Variants in FHIT observed in about 807,000 individuals in gnomAD.
FHIT encodes bis(5'-adenosyl)-triphosphatase.
A neutral mutation model predicts 17.9 loss-of-function variants in FHIT; 19 were observed. The observed-to-expected ratio is 1.06, with a 90% confidence interval of 0.74 to 1.56. The LOEUF (loss-of-function observed/expected upper bound fraction) is 1.56, where lower values mean the gene tolerates loss of function less well. Among genes scored for constraint, FHIT ranks in the 40% most tolerant of loss-of-function variants. The pLI is 0.00. For missense variants in FHIT, 248 were observed against 189.2 expected (o/e 1.31, Z -1.82); for synonymous variants, 81 against 69.7 (o/e 1.16, Z -0.81).
intron 4 of FHIT, among the ~76,000 whole-genome samples, chr3:60,751,130 G>A (rs2042457530): frequency 6.6e-6 from 1 of 152,254 alleles, no homozygotes; most frequent in African/African-American, 2.4e-5. Flanking sequence ...TAAGTCGAGA[G>A]TGGTTAGAAC....
intron 3 of FHIT, among the ~76,000 whole-genome samples, chr3:60,847,447 G>A (rs1553746881): frequency 6.6e-6 from 1 of 151,996 alleles, no homozygotes. Context: ...CATTGCAGAA[G>A]ATTGGACCCC....
chr3:59,979,912 T>C (rs1020530807), intron 7 of FHIT, among the ~76,000 whole-genome samples: 1 of 152,182 alleles, frequency 6.6e-6, no homozygotes, highest in Admixed American at 6.6e-5. Flanking sequence ...GATGAAACAG[T>C]AGCTCTTCTC....
chr3:61,118,394 G>A (rs925931875), intron 2 of FHIT, among the ~76,000 whole-genome samples: 1 of 109,824 alleles, frequency 9.1e-6, no homozygotes, highest in Non-Finnish European at 1.9e-5. Flanking sequence ...TTCACTGGAG[G>A]ATCTTTTTGG....
chr3:60,372,305 C>G (rs1193505199), intron 5 of FHIT, among the ~76,000 whole-genome samples: 3 of 152,140 alleles, frequency 2.0e-5, no homozygotes, highest in Non-Finnish European at 4.4e-5. Context: ...GAGCACCACC[C>G]CTTCACCACC....
intron 8 of FHIT, among the ~76,000 whole-genome samples, chr3:59,786,615 T>C (rs1373449218): frequency 6.6e-6 from 1 of 152,220 alleles, no homozygotes; most frequent in Non-Finnish European, 1.5e-5. Flanking sequence ...TGCCTGCAAA[T>C]ACAAATGGTT....
intron 5 of FHIT, among the ~76,000 whole-genome samples, chr3:60,314,034 C>T (rs144234954): frequency 6.6e-6 from 1 of 152,308 alleles, no homozygotes; most frequent in East Asian, 1.9e-4. Flanking sequence ...CCCAAGCTGT[C>T]TACATCAGTG....
At chr3:60,137,826 C>G (rs75221616) in intron 5 of FHIT, among the ~76,000 whole-genome samples, 6,759 of 151,764 alleles carry the variant, frequency 0.045, 233 homozygotes, top group Non-Finnish European at 0.065. Flanking sequence ...AGTGACAACA[C>G]AAAGTGTAAA....
intron 2 of FHIT, among the ~76,000 whole-genome samples, chr3:61,141,766 G>A (rs893968123): frequency 6.6e-6 from 1 of 151,538 alleles, no homozygotes; most frequent in Admixed American, 6.6e-5. Context: ...CCCAGAGGAG[G>A]CTCCAGCTTT....
At position 61,159,630 on chromosome 3, in the gene FHIT, T is replaced by C. The variant is rs191596583; in HGVS notation, c.-164+40987A>G. On this transcript the variant is annotated intron_variant, in intron 2 of 9. Coordinates refer to ENST00000492590, the MANE Select transcript of FHIT (RefSeq NM_002012.4). ...AATTCATTTAACATTATTAAATGTTTACTTTGCTAATTCTCAATACTTGTA... is the reference window on the plus strand; with the variant it reads ...AATTCATTTAACATTATTAAATGTTCACTTTGCTAATTCTCAATACTTGTA... 5.9e-5 allele frequency among the ~76,000 whole-genome samples: 9 copies of C among 152,368 alleles called. No individual in the cohort carries two copies. In the East Asian group the frequency reaches 1.7e-3, roughly 29 times the overall value.
chr3:60,626,159 C>A (rs531587421), intron 4 of FHIT, among the ~76,000 whole-genome samples: 4 of 152,128 alleles, frequency 2.6e-5, no homozygotes, highest in Non-Finnish European at 5.9e-5. Context: ...ACCAGGAAAT[C>A]CTCCAAGTTC....
intron 2 of FHIT, among the ~76,000 whole-genome samples, chr3:61,175,779 C>T (rs1310811647): frequency 6.6e-6 from 1 of 152,128 alleles, no homozygotes; most frequent in Non-Finnish European, 1.5e-5. Flanking sequence ...AGAGAGCAGC[C>T]CTCAACAGAC....
intron 5 of FHIT, among the ~76,000 whole-genome samples, chr3:60,340,769 G>C (rs181932448): frequency 2.0e-4 from 31 of 152,120 alleles, no homozygotes; most frequent in African/African-American, 6.7e-4. Flanking sequence ...GTGCAGTGGC[G>C]TCATCTTGGC....
intron 8 of FHIT, among the ~76,000 whole-genome samples, chr3:59,807,752 A>C (rs2107022552): frequency 6.6e-6 from 1 of 152,272 alleles, no homozygotes; most frequent in Non-Finnish European, 1.5e-5. Flanking sequence ...AGTAGTCATG[A>C]GAAGTGGAGA....
At chr3:60,933,541 T>C (rs372860021) in intron 3 of FHIT, among the ~76,000 whole-genome samples, 14 of 152,222 alleles carry the variant, frequency 9.2e-5, no homozygotes, top group Non-Finnish European at 2.1e-4. Context: ...GACTACCAGA[T>C]TGGACAGCTC....
chr3:60,236,189 G>A (rs1240769552), intron 5 of FHIT, among the ~76,000 whole-genome samples: 1 of 151,214 alleles, frequency 6.6e-6, no homozygotes, highest in South Asian at 2.1e-4. Context: ...ATTGTTCTAA[G>A]TGGTTTGACC....
At position 60,342,248 on chromosome 3, in the gene FHIT, G is replaced by T. The variant is rs117958890; in HGVS notation, c.103+194612C>A. On this transcript the variant is annotated intron_variant, in intron 5 of 9. Transcript: ENST00000492590. ...AGTTATTGAATACACAATTGCATGA[G>T]CAATGTTTAAGGAGCAGAGAGAGCT... Among the ~76,000 whole-genome samples the T allele has an allele frequency of 1.1e-3, 166 of 152,286 alleles. No individual in the cohort carries two copies. The East Asian group carries it at 0.021, about 19-fold the overall frequency.
intron 3 of FHIT, among the ~76,000 whole-genome samples, chr3:60,832,790 A>G (rs934581636): frequency 1.3e-5 from 2 of 152,210 alleles, no homozygotes; most frequent in Non-Finnish European, 2.9e-5. Context: ...TTTTAATAAT[A>G]GCTTTTACTT....
intron 5 of FHIT, among the ~76,000 whole-genome samples, chr3:60,499,744 G>T (rs1394892337): frequency 2.0e-5 from 3 of 152,024 alleles, no homozygotes. Context: ...CTTTGTTCTT[G>T]TTTCCTTCTA....
intron 5 of FHIT, among the ~76,000 whole-genome samples, chr3:60,222,649 T>C (rs1190642157): frequency 6.6e-6 from 1 of 151,988 alleles, no homozygotes; most frequent in Non-Finnish European, 1.5e-5. Flanking sequence ...ATTAGCTGGG[T>C]TAAAATATTA....
Sources: allele counts gnomAD v4.1 joint callset (sites outside exome capture counted in the v4.1 genomes callset), GRCh38; gene constraint gnomAD v4.1.1; transcripts MANE v1.5; gene names NCBI Gene and HGNC (gene_info 2026-07-23, HGNC 2026-07-21).